CELF4: variants seen among roughly 807,000 people sequenced by gnomAD.
CELF4 encodes CUGBP Elav-like family member 4.
Under a neutral mutation model 59.9 loss-of-function variants are expected in CELF4, and 18 were observed. That is an observed-to-expected ratio of 0.30 (90% confidence interval 0.21 to 0.45). The LOEUF (loss-of-function observed/expected upper bound fraction) is 0.45. CELF4 is among the 20% of genes least tolerant of loss of function. The pLI is 1.00. For synonymous variants in CELF4, 261 were observed against 267.1 expected, an observed-to-expected ratio of 0.98 and a Z score of 0.22; for missense variants, 456 against 689.0, an observed-to-expected ratio of 0.66 and a Z score of 3.79.
At chr18:37,549,239 G>A (rs2099982402) in intron 1 of CELF4, among the ~76,000 whole-genome samples, 1 of 152,200 alleles carries the variant, frequency 6.6e-6, no homozygotes, top group Non-Finnish European at 1.5e-5. Flanking sequence ...CCATCCTAGA[G>A]CAGTATGACC....
intron 1 of CELF4, among the ~76,000 whole-genome samples, chr18:37,515,640 C>T (rs185103657): frequency 1.4e-4 from 21 of 152,278 alleles, no homozygotes; most frequent in Middle Eastern, 3.4e-3. Flanking sequence ...CAGACCCACC[C>T]GAGGGATGGT....
intron 3 of CELF4, among the ~76,000 whole-genome samples, chr18:37,300,300 CT>C (rs2095930211): frequency 6.6e-6 from 1 of 151,986 alleles, no homozygotes; most frequent in Non-Finnish European, 1.5e-5. Context: ...TCTCAGCTCA[CT>C]GCAACCTCCA....
At chr18:37,274,529 G>A (rs765780583) in intron 5 of CELF4, 75 bp from the exon 6 acceptor site, 239 of 1,601,246 alleles carry the variant, frequency 1.5e-4, no homozygotes, top group Non-Finnish European at 1.9e-4. Flanking sequence ...TCTGGCCTGC[G>A]CCCACCCCGC....
At chr18:37,289,793 C>T (rs945366789) in intron 3 of CELF4, among the ~76,000 whole-genome samples, 12 of 152,298 alleles carry the variant, frequency 7.9e-5, no homozygotes, top group African/African-American at 2.9e-4. Context: ...TGAGGCTGGA[C>T]CGGGTATCTC....
At chr18:37,423,087 C>G (rs199685985) in intron 2 of CELF4, among the ~76,000 whole-genome samples, 6 of 150,194 alleles carry the variant, frequency 4.0e-5, no homozygotes, top group African/African-American at 1.5e-4. Context: ...CACACAGAGA[C>G]AGAGAGAGAG....
At chr18:37,439,157 G>A (rs2154601083) in intron 2 of CELF4, among the ~76,000 whole-genome samples, 1 of 152,254 alleles carries the variant, frequency 6.6e-6, no homozygotes, top group East Asian at 1.9e-4. Context: ...ACTCTCACTA[G>A]GTTTTGCAGC....
chr18:37,510,460 A>AAG (rs1167682156), intron 1 of CELF4, among the ~76,000 whole-genome samples: 2 of 152,106 alleles, frequency 1.3e-5, no homozygotes, highest in Non-Finnish European at 2.9e-5. Context: ...TTCCTTAGTG[A>AAG]CCCCAGCAGG....
chr18:37,370,422 C>T (rs1347423667), intron 2 of CELF4, among the ~76,000 whole-genome samples: 1 of 152,162 alleles, frequency 6.6e-6, no homozygotes, highest in East Asian at 1.9e-4. Context: ...CCCTGCATTT[C>T]TCCAGACCCA....
chr18:37,472,069 G>A (rs2099834613), intron 2 of CELF4, among the ~76,000 whole-genome samples: 1 of 152,252 alleles, frequency 6.6e-6, no homozygotes, highest in African/African-American at 2.4e-5. Context: ...GCTGTGTTTT[G>A]GAGTGAAGAA....
At chr18:37,418,943 T>G (rs544966684) in intron 2 of CELF4, among the ~76,000 whole-genome samples, 211 of 152,322 alleles carry the variant, frequency 1.4e-3, no homozygotes, top group Non-Finnish European at 2.5e-3. Context: ...GAGCTGACAT[T>G]TCATGCTGTG....
chr18:37,481,661 T>C (rs1190957836), intron 2 of CELF4, among the ~76,000 whole-genome samples: 1 of 152,210 alleles, frequency 6.6e-6, no homozygotes, highest in Non-Finnish European at 1.5e-5. Flanking sequence ...GCCTGTTGTG[T>C]GTGCCTCGAC....
intron 2 of CELF4, among the ~76,000 whole-genome samples, chr18:37,336,646 G>A (rs2097779157): frequency 7.1e-6 from 1 of 140,088 alleles, no homozygotes; most frequent in South Asian, 2.4e-4. Flanking sequence ...GAGCCCACAG[G>A]CCCTGGCACA....
Position 37,274,834 on chromosome 18 carries a change from T to G in CELF4, c.628A>C (p.Asn210His). Reference protein sequence around the residue: ...SSHAEAQAAINALHGSQTMPG... With the variant: ...SSHAEAQAAIHALHGSQTMPG... The stretch of plus-strand genomic sequence containing the variant: ...ATGGTCTGGCTGCCGTGTAGCGCGT[T>G]GATGGCGGCCTGCGCCTCGGCGTGG... Residue 210 changes from asparagine to histidine, a missense_variant, in exon 5 of 13, where the codon AAC (asparagine) becomes CAC (histidine). Asn to His is a moderately conservative substitution (Grantham distance 68). Around this residue, in one of 7 missense-constraint regions of CELF4, gnomAD observed 56 missense variants for 92.0 expected, o/e 0.61. Transcript: ENST00000420428. 1 of 1,607,712 alleles carries G rather than the reference T, an allele frequency of 6.2e-7. No individual in the cohort carries two copies. The highest frequency in any genetic ancestry group is 8.5e-7 in the Non-Finnish European group (1 of 1,178,144).
intron 1 of CELF4, among the ~76,000 whole-genome samples, chr18:37,527,288 A>G (rs1436896781): frequency 6.6e-6 from 1 of 151,872 alleles, no homozygotes; most frequent in Admixed American, 6.6e-5. Flanking sequence ...GTTTGGATCC[A>G]GCACTAGAGA....
intron 1 of CELF4, among the ~76,000 whole-genome samples, chr18:37,541,311 C>T (rs905135050): frequency 6.6e-6 from 1 of 152,036 alleles, no homozygotes; most frequent in African/African-American, 2.4e-5. Flanking sequence ...TAAACGGCCC[C>T]ACTCAGCACT....
chr18:37,503,265 G>T (rs554581075), intron 1 of CELF4, among the ~76,000 whole-genome samples: 1 of 152,218 alleles, frequency 6.6e-6, no homozygotes, highest in Non-Finnish European at 1.5e-5. Flanking sequence ...AGGGCTCTGC[G>T]CTCAGCCCCT....
intron 2 of CELF4, among the ~76,000 whole-genome samples, chr18:37,466,650 A>G (rs959065965): frequency 1.1e-4 from 17 of 152,168 alleles, no homozygotes; most frequent in Non-Finnish European, 2.9e-5. Context: ...CCTTGTGCCA[A>G]TGCTGGGTCC....
chr18:37,531,353 C>A (rs1447061064), intron 1 of CELF4, among the ~76,000 whole-genome samples: 1 of 152,148 alleles, frequency 6.6e-6, no homozygotes, highest in Non-Finnish European at 1.5e-5. Context: ...GCTTGCCGCC[C>A]TGGAGTCCCA....
chr18:37,375,194 T>C (rs892126126), intron 2 of CELF4, among the ~76,000 whole-genome samples: 1 of 152,132 alleles, frequency 6.6e-6, no homozygotes, highest in African/African-American at 2.4e-5. Flanking sequence ...CCGCAGAGTA[T>C]AAATATTTAT....
Sources: gnomAD v4.1 joint callset for allele counts (sites outside exome capture counted in the v4.1 genomes callset) on GRCh38, gnomAD v4.1.1 for gene constraint, gnomAD v4.1.1 regional missense constraint, MANE v1.5 for transcripts, NCBI Gene and HGNC (gene_info 2026-07-23, HGNC 2026-07-21) for gene names.